Variants in SUGCT observed in about 807,000 individuals in gnomAD.
SUGCT encodes succinyl-CoA:glutarate CoA-transferase.
SUGCT carries 41 observed loss-of-function variants against 55.0 expected under a neutral mutation model. The observed-to-expected ratio is 0.74, with a 90% CI of 0.58 to 0.97. The LOEUF is 0.97. Among genes scored for constraint, SUGCT ranks in the 50% least tolerant of loss-of-function variants. The pLI, the probability that SUGCT is intolerant of heterozygous loss-of-function variation, is 0.00. For missense variants in SUGCT, 568 were observed against 547.8 expected (o/e 1.04, Z -0.37); for synonymous variants, 187 against 200.4 (o/e 0.93, Z 0.56).
At chr7:40,902,225 AAAAC>A in the SUGCT span, among the ~76,000 whole-genome samples, 1 of 152,214 alleles carries the variant, frequency 6.6e-6, no homozygotes, top group Non-Finnish European at 1.5e-5. Flanking sequence ...CACAAACAAA[AAAAC>A]AAGCATACAT....
chr7:40,415,499 C>G (rs1476891728), intron 9 of SUGCT, among the ~76,000 whole-genome samples: 1 of 150,904 alleles, frequency 6.6e-6, no homozygotes, highest in Admixed American at 6.6e-5. Flanking sequence ...TCATCTTTGA[C>G]TCTGTTTTTA....
At chr7:40,366,669 C>T (rs1308693370) in intron 9 of SUGCT, among the ~76,000 whole-genome samples, 1 of 152,042 alleles carries the variant, frequency 6.6e-6, no homozygotes, top group Non-Finnish European at 1.5e-5. Flanking sequence ...AAAAAATGCT[C>T]ATCATCACTG....
rs1424953685 is a variant in SUGCT at position 40,693,011 on chromosome 7, G to A, written c.1090-56423G>A. 3.9e-5 allele frequency among the ~76,000 whole-genome samples: 6 copies of A among 152,090 alleles called. No individual in the cohort carries two copies. The East Asian group carries it at 5.8e-4, about 15-fold the overall frequency. The stretch of plus-strand genomic sequence containing the variant: ...TCATATTACTTCATCTCTACTATAC[G>A]GGCTTTGGAGAGAGGAAAGGAGTTG... On this transcript the variant is annotated intron_variant, in intron 12 of 13. Transcript: ENST00000335693.
the SUGCT span, among the ~76,000 whole-genome samples, chr7:40,940,676 C>T: frequency 2.0e-5 from 3 of 151,076 alleles, no homozygotes; most frequent in Non-Finnish European, 3.0e-5. Flanking sequence ...ATTTCATTCT[C>T]AGATTGGTCA....
intron 8 of SUGCT, among the ~76,000 whole-genome samples, chr7:40,279,879 AT>A (rs1316504473): frequency 3.3e-5 from 5 of 152,180 alleles, no homozygotes; most frequent in Non-Finnish European, 5.9e-5. Flanking sequence ...TTTAATATAA[AT>A]GTTCACCTGC....
At chr7:40,744,514 A>AT (rs72015705) in intron 12 of SUGCT, among the ~76,000 whole-genome samples, 2,132 of 150,802 alleles carry the variant, frequency 0.014, 40 homozygotes, top group African/African-American at 0.048. Flanking sequence ...AAGCTTTTCC[A>AT]TTTTTTTTTG....
chr7:40,978,767 A>T, the SUGCT span, among the ~76,000 whole-genome samples: 1 of 152,304 alleles, frequency 6.6e-6, no homozygotes, highest in African/African-American at 2.4e-5. Flanking sequence ...ATGTTCCAGG[A>T]ACCAAAGGGG....
intron 9 of SUGCT, among the ~76,000 whole-genome samples, chr7:40,445,101 T>G (rs1003533505): frequency 1.3e-5 from 2 of 152,068 alleles, no homozygotes; most frequent in Admixed American, 6.6e-5. Flanking sequence ...ATAAGCTTTT[T>G]GAAGTGCTGC....
chr7:40,759,336 G>A (rs1197107060), intron 13 of SUGCT, among the ~76,000 whole-genome samples: 5 of 152,122 alleles, frequency 3.3e-5, no homozygotes, highest in East Asian at 3.8e-4. Flanking sequence ...TTGCTGTGGA[G>A]CATTCAAATT....
chr7:40,370,760 T>C (rs961452425), intron 9 of SUGCT, among the ~76,000 whole-genome samples: 15 of 152,138 alleles, frequency 9.9e-5, no homozygotes, highest in Admixed American at 3.3e-4. Flanking sequence ...TTTCTAAATA[T>C]TTCTATAATT....
At chr7:40,904,089 T>C in the SUGCT span, among the ~76,000 whole-genome samples, 1 of 152,210 alleles carries the variant, frequency 6.6e-6, no homozygotes, top group African/African-American at 2.4e-5. Flanking sequence ...ATTACGACTT[T>C]ATTATAGCCC....
intron 12 of SUGCT, among the ~76,000 whole-genome samples, chr7:40,677,705 T>A (rs1784066122): frequency 6.6e-6 from 1 of 152,200 alleles, no homozygotes; most frequent in Admixed American, 6.5e-5. Context: ...TTTTAAAAGA[T>A]CTCTATAGCA....
intron 8 of SUGCT, among the ~76,000 whole-genome samples, chr7:40,315,745 C>G (rs528696094): frequency 1.3e-5 from 2 of 152,264 alleles, no homozygotes; most frequent in African/African-American, 4.8e-5. Flanking sequence ...TGTAGGTTTT[C>G]CAATCGCATC....
chr7:40,808,753 T>A (rs1049045790), intron 13 of SUGCT, among the ~76,000 whole-genome samples: 41 of 152,362 alleles, frequency 2.7e-4, no homozygotes, highest in Admixed American at 2.5e-3. Context: ...CCCATGAATG[T>A]AATTGTTGTC....
At chr7:40,367,317 A>G (rs528529775) in intron 9 of SUGCT, among the ~76,000 whole-genome samples, 21 of 151,860 alleles carry the variant, frequency 1.4e-4, no homozygotes, top group East Asian at 9.7e-4. Context: ...CCTAATGCTA[A>G]ATGACGAGTT....
intron 12 of SUGCT, among the ~76,000 whole-genome samples, chr7:40,531,660 G>A (rs764698722): frequency 6.6e-6 from 1 of 151,518 alleles, no homozygotes; most frequent in African/African-American, 2.4e-5. Context: ...TTTAAAATAT[G>A]TATATATATT....
the SUGCT span, among the ~76,000 whole-genome samples, chr7:40,931,412 G>T: frequency 1.4e-4 from 22 of 152,174 alleles, no homozygotes; most frequent in Admixed American, 6.5e-4. Flanking sequence ...GCCCGGCTTT[G>T]GTATCAGGAT....
intron 13 of SUGCT, among the ~76,000 whole-genome samples, chr7:40,821,248 A>G (rs1213428460): frequency 6.6e-6 from 1 of 152,118 alleles, no homozygotes; most frequent in Admixed American, 6.5e-5. Flanking sequence ...TGTCTCTGCC[A>G]GGCTTTGGTA....
the SUGCT span, among the ~76,000 whole-genome samples, chr7:40,989,067 TA>T: frequency 1.3e-5 from 2 of 152,100 alleles, no homozygotes; most frequent in Non-Finnish European, 2.9e-5. Flanking sequence ...GCATTATGTA[TA>T]AAAAACAATG....
Sources: allele counts gnomAD v4.1 joint callset (sites outside exome capture counted in the v4.1 genomes callset), GRCh38; gene constraint gnomAD v4.1.1; transcripts MANE v1.5; gene names NCBI Gene and HGNC (gene_info 2026-07-23, HGNC 2026-07-21).